Variants in SLC35F3 observed in about 807,000 individuals in gnomAD.
SLC35F3 encodes solute carrier family 35 member F3, also known as putative thiamine transporter SLC35F3.
Under a neutral mutation model 49.9 loss-of-function variants are expected in SLC35F3, and 25 were observed. The ratio of observed to expected loss-of-function variants is 0.50; its 90% CI spans 0.37 to 0.70. The LOEUF is 0.70. Among genes scored for constraint, SLC35F3 ranks in the 30% least tolerant of loss-of-function variants. The pLI is 0.00. For missense variants in SLC35F3, 525 were observed against 639.8 expected, an observed-to-expected ratio of 0.82 and a Z score of 1.94; for synonymous variants, 275 against 265.4, an observed-to-expected ratio of 1.04 and a Z score of -0.35.
chr1:234,176,123 G>A lies in SLC35F3; in HGVS notation c.284-55294G>A, dbSNP rs375620090. Among the ~76,000 whole-genome samples the A allele has an allele frequency of 2.8e-4, 42 of 152,196 alleles. No individual in the cohort carries two copies. In the South Asian group the frequency reaches 7.7e-3, roughly 28 times the overall value. On this transcript the variant is annotated intron_variant, in intron 2 of 7. Transcript: ENST00000366618. ...GGACATCCCTTTTTTCTGGGACATAGATGATCTCCTACCTGAGCCATATGC... is the reference window on the plus strand; with the variant it reads ...GGACATCCCTTTTTTCTGGGACATAAATGATCTCCTACCTGAGCCATATGC...
At chr1:234,007,302 G>A (rs1446132982) in intron 2 of SLC35F3, among the ~76,000 whole-genome samples, 1 of 152,168 alleles carries the variant, frequency 6.6e-6, no homozygotes, top group Non-Finnish European at 1.5e-5. Context: ...TTAATTAGGA[G>A]GGAAAGTGGT....
chr1:233,907,374 T>G (rs894809928), intron 2 of SLC35F3, among the ~76,000 whole-genome samples: 3 of 152,226 alleles, frequency 2.0e-5, no homozygotes, highest in African/African-American at 7.2e-5. Flanking sequence ...GATGACTGTT[T>G]GGTACAACAT....
intron 2 of SLC35F3, among the ~76,000 whole-genome samples, chr1:234,155,997 C>A: frequency 6.6e-6 from 1 of 151,362 alleles, no homozygotes; most frequent in African/African-American, 2.4e-5. Context: ...GTGAGGAATA[C>A]CAAAAAGAAA....
chr1:234,322,358 C>T (rs563678258), intron 7 of SLC35F3, among the ~76,000 whole-genome samples: 44 of 152,262 alleles, frequency 2.9e-4, no homozygotes, highest in Admixed American at 3.9e-4. Context: ...AGTTGATTCA[C>T]ATATGTTGTA....
chr1:234,230,853 A>G (rs1667356119), intron 2 of SLC35F3, among the ~76,000 whole-genome samples: 2 of 152,226 alleles, frequency 1.3e-5, no homozygotes, highest in African/African-American at 4.8e-5. Flanking sequence ...CTGTACGTAC[A>G]AAATAAGAGG....
chr1:233,955,298 T>G (rs987254905), intron 2 of SLC35F3, among the ~76,000 whole-genome samples: 1 of 152,206 alleles, frequency 6.6e-6, no homozygotes, highest in Non-Finnish European at 1.5e-5. Context: ...GTCTTTCTAT[T>G]GATTAGAGTA....
intron 2 of SLC35F3, among the ~76,000 whole-genome samples, chr1:234,019,347 A>T (rs1663856169): frequency 6.6e-6 from 1 of 150,744 alleles, no homozygotes; most frequent in African/African-American, 2.5e-5. Flanking sequence ...GTGTATGTGC[A>T]TGTATATGTG....
intron 3 of SLC35F3, among the ~76,000 whole-genome samples, chr1:234,242,461 G>A (rs547088850): frequency 2.0e-4 from 31 of 152,198 alleles, no homozygotes; most frequent in Admixed American, 6.5e-4. Flanking sequence ...ACTTGTTCTC[G>A]GAAAGCTCTT....
At chr1:234,019,419 G>T (rs1405345091) in intron 2 of SLC35F3, among the ~76,000 whole-genome samples, 1 of 152,152 alleles carries the variant, frequency 6.6e-6, no homozygotes, top group Admixed American at 6.6e-5. Context: ...TAAGGAACTG[G>T]CTCACCAATT....
chr1:234,294,216 AG>A (rs765157308), intron 3 of SLC35F3, among the ~76,000 whole-genome samples: 3 of 152,302 alleles, frequency 2.0e-5, no homozygotes, highest in Non-Finnish European at 2.9e-5. Context: ...TGCAACACCC[AG>A]GGAGGCAGGT....
intron 2 of SLC35F3, among the ~76,000 whole-genome samples, chr1:234,052,782 T>G (rs1036141154): frequency 6.6e-6 from 1 of 152,250 alleles, no homozygotes; most frequent in African/African-American, 2.4e-5. Context: ...TTTAGTGCTA[T>G]AAATTTCCCT....
At chr1:234,078,705 A>T (rs1664832865) in intron 2 of SLC35F3, among the ~76,000 whole-genome samples, 1 of 152,170 alleles carries the variant, frequency 6.6e-6, no homozygotes, top group Non-Finnish European at 1.5e-5. Flanking sequence ...TGACTCTCAA[A>T]ATAGGCAATT....
At position 234,173,503 on chromosome 1, in the gene SLC35F3, A is replaced by G. The variant is rs532973735; in HGVS notation, c.284-57914A>G. On this transcript the variant is annotated intron_variant, in intron 2 of 7. Transcript: ENST00000366618. ...ACCCCATGCATTTCTACTTCCTGCA[A>G]TGCCACACCCTTATCTCTCAAACTG... 3.9e-5 allele frequency among the ~76,000 whole-genome samples: 6 copies of G among 152,314 alleles called. No homozygotes were observed. The South Asian group carries it at 1.0e-3, about 26-fold the overall frequency.
chr1:234,059,335 T>C (rs1033366595), intron 2 of SLC35F3, among the ~76,000 whole-genome samples: 1 of 152,156 alleles, frequency 6.6e-6, no homozygotes, highest in South Asian at 2.1e-4. Flanking sequence ...CTGTTTTAGC[T>C]GCACTCCACA....
At chr1:233,941,579 A>G (rs1341408401) in intron 2 of SLC35F3, among the ~76,000 whole-genome samples, 1 of 152,188 alleles carries the variant, frequency 6.6e-6, no homozygotes, top group African/African-American at 2.4e-5. Flanking sequence ...TAACCAGTTA[A>G]TTAAAGTTTT....
intron 2 of SLC35F3, among the ~76,000 whole-genome samples, chr1:233,943,576 A>T (rs1662464716): frequency 6.6e-6 from 1 of 152,244 alleles, no homozygotes; most frequent in African/African-American, 2.4e-5. Context: ...TAGGCACAGG[A>T]ATAAAAGGGT....
chr1:234,255,808 C>T (rs1667812459), intron 3 of SLC35F3, among the ~76,000 whole-genome samples: 1 of 152,186 alleles, frequency 6.6e-6, no homozygotes, highest in Non-Finnish European at 1.5e-5. Flanking sequence ...GGGATTAAAA[C>T]ACTTAGAGCA....
In SLC35F3 at chr1:234,226,961, G is replaced by GCGCGCACACACA. The variant is rs141422884; in HGVS notation, c.284-4455_284-4454insGCGCACACACAC. Among the ~76,000 whole-genome samples the GCGCGCACACACA allele has an allele frequency of 3.4e-5, 5 of 148,638 alleles. No individual in the cohort carries two copies. The South Asian group carries it at 6.4e-4, about 19-fold the overall frequency. ...CCTGCACTGGCGTGCGCGCACGCGT[G>GCGCGCACACACA]CACACACACACACACACACACACAC... On this transcript the variant is annotated intron_variant, in intron 2 of 7. Transcript: ENST00000366618.
At chr1:234,052,592 C>T (rs1664395467) in intron 2 of SLC35F3, among the ~76,000 whole-genome samples, 1 of 152,060 alleles carries the variant, frequency 6.6e-6, no homozygotes, top group Non-Finnish European at 1.5e-5. Context: ...AAATGAGCTC[C>T]TGGATTCATT....
Sources: gnomAD v4.1 joint callset for allele counts (sites outside exome capture counted in the v4.1 genomes callset) on GRCh38, gnomAD v4.1.1 for gene constraint, MANE v1.5 for transcripts, NCBI Gene and HGNC (gene_info 2026-07-23, HGNC 2026-07-21) for gene names.